The following INSR variants were observed in gnomAD, a reference collection of about 807,000 sequenced individuals.
INSR encodes the protein insulin receptor, also known as IR.
In INSR, 67 loss-of-function variants were observed where a neutral mutation model predicts 142.6. The observed-to-expected ratio is 0.47, with a 90% confidence interval of 0.39 to 0.58. INSR has a LOEUF of 0.58. Ranked by LOEUF, INSR falls within the 20% of genes least tolerant of loss-of-function variation. INSR has a pLI of 0.00. For synonymous variants in INSR, 756 were observed against 743.1 expected, an observed-to-expected ratio of 1.02 and a Z score of -0.28; for missense variants, 1,248 against 1,833.2, an observed-to-expected ratio of 0.68 and a Z score of 5.83.
chr19:7,226,280 T>A (rs559505354), intron 2 of INSR, among the ~76,000 whole-genome samples: 46 of 151,860 alleles, frequency 3.0e-4, no homozygotes, highest in African/African-American at 1.0e-3. Context: ...CATGGTGGCG[T>A]GTGCCTGTAG....
At position 7,198,819 on chromosome 19, in the gene INSR, A is replaced by G. The variant is rs553339996; in HGVS notation, c.653-14182T>C. Among the ~76,000 whole-genome samples, 19 of 152,252 alleles carry G rather than the reference A, an allele frequency of 1.2e-4. No individual in the cohort carries two copies. The South Asian group carries it at 2.9e-3, about 23-fold the overall frequency. On this transcript the variant is annotated intron_variant, in intron 2 of 21. Transcript: ENST00000302850. ...TGCATTTGAAAACTTGTGTGTCCCC[A>G]TTGAATTTGCAGTTCCAGTAAACCA...
In INSR at chr19:7,267,950, G is replaced by T; in HGVS notation, c.101-54C>A. ...ACAGGTGAGCAGACGCACGGTGGAT[G>T]CATCAGAAGGATCAGGGGCAGAGCC... On this transcript the variant is annotated intron_variant, in intron 1 of 21. Coordinates refer to ENST00000302850, the MANE Select transcript of INSR (RefSeq NM_000208.4). The surrounding 1 kb of genome is among the most constrained non-coding windows in gnomAD (Gnocchi z 6.3). 2 of 1,448,080 alleles carry T rather than the reference G, an allele frequency of 1.4e-6. No homozygotes were observed. Among genetic ancestry groups the T allele is most frequent in the South Asian group, 1.2e-5 (1 of 84,244 alleles). 89.7% of individuals were successfully genotyped at this position (1,448,080 alleles called of 1,614,324 possible).
intron 9 of INSR, among the ~76,000 whole-genome samples, chr19:7,153,403 T>TGCACACCTC: frequency 3.3e-4 from 1 of 2,996 alleles, no homozygotes; most frequent in East Asian, 6.0e-3. Context: ...ACACACCACA[T>TGCACACCTC]ACACACTTCA....
intron 2 of INSR, among the ~76,000 whole-genome samples, chr19:7,193,989 G>T (rs1330490482): frequency 4.0e-5 from 6 of 150,846 alleles, no homozygotes; most frequent in Non-Finnish European, 8.9e-5. Flanking sequence ...AAGCCACAAT[G>T]CCCAGCCAGG....
chr19:7,185,841 C>CA (rs754262409), intron 2 of INSR, among the ~76,000 whole-genome samples: 1,476 of 45,026 alleles, frequency 0.033, 103 homozygotes, highest in African/African-American at 0.11. Flanking sequence ...AAAATTCTGT[C>CA]AAAAAAAAAA....
At chr19:7,200,883 G>GA (rs1974936276) in intron 2 of INSR, among the ~76,000 whole-genome samples, 1 of 136,866 alleles carries the variant, frequency 7.3e-6, no homozygotes, top group Non-Finnish European at 1.5e-5. Flanking sequence ...AAAAAAAAAG[G>GA]CTGAAGAGCC....
intron 2 of INSR, among the ~76,000 whole-genome samples, chr19:7,256,949 T>C (rs1395484727): frequency 2.7e-5 from 4 of 146,998 alleles, no homozygotes; most frequent in Non-Finnish European, 4.5e-5. Context: ...TTTTTTTTTT[T>C]TTTCTTTTTT....
chr19:7,172,328 C>T lies in INSR; in HGVS notation c.1230G>A (p.Arg410=). The T allele has an allele frequency of 6.2e-7, 1 of 1,614,146 alleles. No individual in the cohort carries two copies. The highest frequency in any genetic ancestry group is 8.5e-7 in the Non-Finnish European group (1 of 1,180,030). ...TCTCTCCTCGAATCAGACGTAACTT[C>T]CGGAAGAAGGAAAGTGACACCAGAG... The part of the protein sequence containing the change: ...SYALVSLSFF[R]KLRLIRGETL... Residue 410 remains arginine, a synonymous_variant, in exon 5 of 22, where the codon CGG becomes CGA. Transcript: ENST00000302850.
At position 7,122,927 on chromosome 19, in the gene INSR, A is replaced by G. The variant is rs1337155856; in HGVS notation, c.3321T>C (p.Ala1107=). 1.2e-5 allele frequency: 19 copies of G among 1,608,760 alleles called. No homozygotes were observed. The highest frequency in any genetic ancestry group is 1.6e-5 in the Non-Finnish European group (19 of 1,178,586). The change falls in exon 18 of 22, where the codon GCT becomes GCC. Residue 1107 remains alanine (A), a synonymous_variant. Coordinates refer to ENST00000302850, the MANE Select transcript of INSR (RefSeq NM_000208.4). The part of the protein sequence containing the change: ...QPTLVVMELM[A]HGDLKSYLRS... ...GGAGGTAGCTCTTCAGGTCTCCGTG[A>G]GCCATCAGCTCCATCACCACCAGCG...
intron 2 of INSR, among the ~76,000 whole-genome samples, chr19:7,228,636 A>G (rs35734414): frequency 1.9e-3 from 290 of 152,366 alleles, no homozygotes; most frequent in Non-Finnish European, 3.4e-3. Flanking sequence ...AGATGCTGCA[A>G]TTATAGAGTT....
intron 2 of INSR, among the ~76,000 whole-genome samples, chr19:7,255,058 C>A (rs910282203): frequency 4.6e-5 from 7 of 151,070 alleles, no homozygotes; most frequent in African/African-American, 7.3e-5. Context: ...GGAAGCCAGG[C>A]AATGGTGGGA....
intron 2 of INSR, among the ~76,000 whole-genome samples, chr19:7,200,880 A>G (rs1324167153): frequency 1.4e-5 from 2 of 146,130 alleles, no homozygotes; most frequent in Non-Finnish European, 3.1e-5. Context: ...AAAAAAAAAA[A>G]AGGCTGAAGA....
intron 2 of INSR, among the ~76,000 whole-genome samples, chr19:7,250,461 GAAAA>G (rs908692515): frequency 1.6e-4 from 13 of 81,466 alleles, no homozygotes; most frequent in South Asian, 1.2e-3. Context: ...AGAAAAGGAA[GAAAA>G]GAAAGAAAGA....
chr19:7,234,927 G>A (rs1476583637), intron 2 of INSR, among the ~76,000 whole-genome samples: 4 of 151,906 alleles, frequency 2.6e-5, no homozygotes, highest in Non-Finnish European at 4.4e-5. Context: ...GTGTGGTGGA[G>A]GGCACCTGTA....
Position 7,114,057 on chromosome 19 carries a change from A to AG in INSR, c.*2998_*2999insC, listed in dbSNP as rs1334713372. On this transcript the variant is annotated 3_prime_UTR_variant, in exon 22 of 22. Coordinates refer to ENST00000302850, the MANE Select transcript of INSR (RefSeq NM_000208.4). ...TCCAAGGTGTTGTTGCAAAAAAAAA[A>AG]AAAAAAAAAAAAAAAGCGTTCAGCA... 1 of 151,650 alleles carries AG rather than the reference A, an allele frequency of 6.6e-6. No homozygotes were observed. Among genetic ancestry groups the AG allele is most frequent in the African/African-American group, 2.4e-5 (1 of 41,310 alleles). 9.4% of individuals were successfully genotyped at this position (151,650 alleles called of 1,614,324 possible).
At chr19:7,202,997 T>TTTTTG (rs1600007266) in intron 2 of INSR, among the ~76,000 whole-genome samples, 1 of 60,654 alleles carries the variant, frequency 1.6e-5, no homozygotes, top group East Asian at 3.6e-4. Flanking sequence ...GGTTTTGTTG[T>TTTTTG]TTTTTTTTTT....
At chr19:7,130,501 G>C (rs1972749045) in intron 14 of INSR, among the ~76,000 whole-genome samples, 1 of 152,152 alleles carries the variant, frequency 6.6e-6, no homozygotes, top group Non-Finnish European at 1.5e-5. Flanking sequence ...CATGGAGGCG[G>C]TTTCTAATGG....
chr19:7,159,583 G>A lies in INSR; in HGVS notation c.2029+3449C>T, dbSNP rs747609043. On this transcript the variant is annotated intron_variant, in intron 9 of 21. Transcript: ENST00000302850. The surrounding 1 kb of genome is among the most constrained non-coding windows in gnomAD (Gnocchi z 4.3). ...ACATTACTGGTGGCAGCTCTCACGG[G>A]TGGTTCTGGTTACTTGAATGCAGGG... is the stretch of plus-strand genomic sequence containing the variant. 9.2e-5 allele frequency: 14 copies of A among 151,934 alleles called. No homozygotes were observed. The highest frequency in any genetic ancestry group is 1.5e-4 in the Non-Finnish European group (10 of 68,030). The allele number at this position is 151,934 out of a possible 1,614,324, so 9.4% of individuals were successfully genotyped here. A position where few individuals can be genotyped will look rare whatever the true frequency, so the allele number is the denominator to read the frequency against.
rs533682498 is a variant in INSR, at chr19:7,184,060, C to CAA, written c.974+254_974+255dup. On this transcript the variant is annotated intron_variant, in intron 3 of 21. Transcript: ENST00000302850. ...GGAGTCTTGCGGCAAGACTCCATCT[C>CAA]AAAAAAAAAAAAAAAGAATGGTGGG... is the stretch of plus-strand genomic sequence containing the variant. Among the ~76,000 whole-genome samples the CAA allele has an allele frequency of 1.3e-4, 11 of 85,116 alleles. 2 individuals carry two copies. Among genetic ancestry groups the CAA allele is most frequent in the African/African-American group, 3.4e-4 (7 of 20,598 alleles). The allele number at this position is 85,116 out of a possible 152,430, so 55.8% of individuals were successfully genotyped here.
Sources: gnomAD v4.1 joint callset for allele counts (sites outside exome capture counted in the v4.1 genomes callset) on GRCh38, gnomAD v4.1.1 for gene constraint, Gnocchi (gnomAD v3.1) non-coding constraint, MANE v1.5 for transcripts, NCBI Gene and HGNC (gene_info 2026-07-23, HGNC 2026-07-21) for gene names.